Variants in CD40 observed in about 807,000 individuals in gnomAD.
The protein encoded by CD40 is tumor necrosis factor receptor superfamily member 5.
Under a neutral mutation model 38.5 loss-of-function variants are expected in CD40, and 19 were observed. The ratio of observed to expected loss-of-function variants is 0.49; its 90% confidence interval spans 0.34 to 0.72. The LOEUF (loss-of-function observed/expected upper bound fraction) is 0.72. Ranked by LOEUF, CD40 falls within the 30% of genes least tolerant of loss-of-function variation. CD40 has a pLI of 0.01. For missense variants in CD40, 256 were observed against 344.1 expected (o/e 0.74, Z 2.03); for synonymous variants, 130 against 128.7 (o/e 1.01, Z -0.07).
chr20:46,124,751 G>GTTTTTTTTGTTTT (rs2085390547), intron 5 of CD40, among the ~76,000 whole-genome samples: 3 of 73,938 alleles, frequency 4.1e-5, no homozygotes, highest in Non-Finnish European at 7.3e-5. Flanking sequence ...CACTGGTATA[G>GTTTTTTTTGTTTT]TTTTTTTTTT....
intron 6 of CD40, chr20:46,127,147 T>A (rs915566497): frequency 3.6e-5 from 6 of 168,012 alleles, no homozygotes; most frequent in African/African-American, 7.2e-5. Flanking sequence ...TAATAAAATT[T>A]AAAAAAACGA....
chr20:46,128,713 G>A (rs753462190), intron 8 of CD40, 169 bp from the exon 9 acceptor site: 59 of 711,066 alleles, frequency 8.3e-5, no homozygotes, highest in Middle Eastern at 2.4e-4. Flanking sequence ...GCTCTTCGTC[G>A]CCCTTGGTGT....
intron 6 of CD40, 60 bp from the exon 7 acceptor site, chr20:46,128,078 G>T (rs1248783570): frequency 6.2e-7 from 1 of 1,613,878 alleles, no homozygotes; most frequent in African/African-American, 1.3e-5. Context: ...AGTCACAGCA[G>T]GTTGAGGGTA....
intron 8 of CD40, 60 bp from the exon 9 acceptor site, chr20:46,128,822 G>C: frequency 6.4e-7 from 1 of 1,571,006 alleles, no homozygotes; most frequent in South Asian, 1.1e-5. Flanking sequence ...CCAGGGAGGG[G>C]CTCCTCAGAG....
chr20:46,122,128 TC>T lies in CD40; in HGVS notation c.131-104del. ...CCTGATTATGAAGGATCCAAGACTT[TC>T]ATCTTTGAATCCCCTACCCTAAAGC... On this transcript the variant is annotated intron_variant, in intron 2 of 8. Coordinates refer to ENST00000372285, the MANE Select transcript of CD40 (RefSeq NM_001250.6). The surrounding 1 kb of genome is among the most constrained non-coding windows in gnomAD (Gnocchi z 5.0). 7.0e-7 allele frequency: 1 copy of T among 1,430,564 alleles called. No homozygotes were observed. The highest frequency in any genetic ancestry group is 9.9e-7 in the Non-Finnish European group (1 of 1,014,810). 88.6% of individuals were successfully genotyped at this position (1,430,564 alleles called of 1,614,324 possible).
intron 6 of CD40, 98 bp downstream of exon 6, chr20:46,126,799 G>A: frequency 6.2e-7 from 1 of 1,600,758 alleles, no homozygotes; most frequent in South Asian, 1.1e-5. Flanking sequence ...AAAAGGGGAG[G>A]GGAGGCAGTT....
At chr20:46,128,807 G>T in intron 8 of CD40, 75 bp from the exon 9 acceptor site, 1 of 1,506,020 alleles carries the variant, frequency 6.6e-7, no homozygotes, top group Non-Finnish European at 9.2e-7. Context: ...GAAGGGATCC[G>T]CTTCCCAGGG....
intron 1 of CD40, among the ~76,000 whole-genome samples, chr20:46,121,391 G>C (rs1006511189): frequency 6.6e-6 from 1 of 152,190 alleles, no homozygotes; most frequent in African/African-American, 2.4e-5. Context: ...AGCAGGAAGG[G>C]AAGCAGAAGA....
chr20:46,129,597 A>G lies in CD40; in HGVS notation c.*557A>G. Reference sequence around the variant, plus strand: ...GGTATGGAACTTTTTAAAAAAGTACATGCTTTTATGTATGTATATTGCCTA... The same window carrying G: ...GGTATGGAACTTTTTAAAAAAGTACGTGCTTTTATGTATGTATATTGCCTA... On this transcript the variant is annotated 3_prime_UTR_variant, in exon 9 of 9. Transcript: ENST00000372285. 2 of 171,226 alleles carry G rather than the reference A, an allele frequency of 1.2e-5. No individual in the cohort carries two copies. Among genetic ancestry groups the G allele is most frequent in the East Asian group, 3.0e-4 (2 of 6,638 alleles). 10.6% of individuals were successfully genotyped at this position (171,226 alleles called of 1,614,324 possible). A position where few individuals can be genotyped will look rare whatever the true frequency, so the allele number is the denominator to read the frequency against.
intron 8 of CD40, 167 bp downstream of exon 8, chr20:46,128,525 A>G: frequency 3.8e-6 from 3 of 786,936 alleles, no homozygotes; most frequent in Non-Finnish European, 6.5e-6. Flanking sequence ...TTCCATCCAG[A>G]GCTCAATCCC....
chr20:46,119,056 C>A (rs2085267775), intron 1 of CD40, among the ~76,000 whole-genome samples: 1 of 90,200 alleles, frequency 1.1e-5, no homozygotes, highest in South Asian at 4.7e-4. Context: ...GGTTAGGAGA[C>A]CAGAGTTCTG....
At chr20:46,125,658 G>A (rs6131017) in intron 5 of CD40, among the ~76,000 whole-genome samples, 10 of 145,828 alleles carry the variant, frequency 6.9e-5, no homozygotes, top group South Asian at 4.5e-4. Context: ...TGTCCATTCC[G>A]CCCCACTCCT....
intron 6 of CD40, chr20:46,127,001 G>A (rs998734786): frequency 1.1e-5 from 5 of 464,238 alleles, no homozygotes; most frequent in South Asian, 4.2e-5. Context: ...AAAGGTCAGG[G>A]GTAAGAAAAT....
intron 5 of CD40, among the ~76,000 whole-genome samples, chr20:46,125,546 CAAAAAAAA>C (rs60475326): frequency 2.9e-5 from 2 of 69,418 alleles, no homozygotes; most frequent in Admixed American, 1.8e-4. Flanking sequence ...GACTCTGTCT[CAAAAAAAA>C]AAAAAAAAAA....
At position 46,122,813 on chromosome 20, in the gene CD40, A is replaced by T. The variant is rs1323066617; in HGVS notation, c.403+57A>T. On this transcript the variant is annotated intron_variant, in intron 4 of 8. Coordinates refer to ENST00000372285, the MANE Select transcript of CD40 (RefSeq NM_001250.6). This position sits in a 1 kb window ranked among gnomAD's most constrained non-coding sequence, Gnocchi z 5.0. ...GGGGGACAGAGGAGCTTAGGGCCCA[A>T]GGTGAGGGGCTGGGCAGTGGGCACT... is the stretch of plus-strand genomic sequence containing the variant. 1 of 1,605,770 alleles carries T rather than the reference A, an allele frequency of 6.2e-7. No homozygotes were observed. The highest frequency in any genetic ancestry group is 1.1e-5 in the South Asian group (1 of 90,610).
At chr20:46,128,464 C>A in intron 8 of CD40, 106 bp downstream of exon 8, 1 of 1,262,932 alleles carries the variant, frequency 7.9e-7, no homozygotes, top group South Asian at 1.2e-5. Context: ...TCTCTGCAGC[C>A]AGTGGGGTGG....
intron 5 of CD40, among the ~76,000 whole-genome samples, chr20:46,124,751 GTTTTTTTTTTTTTT>G (rs780015926): frequency 3.0e-4 from 22 of 73,964 alleles, no homozygotes; most frequent in African/African-American, 8.8e-4. Context: ...CACTGGTATA[GTTTTTTTTTTTTTT>G]TTTTTTTTTT....
In CD40 at chr20:46,122,067, C is replaced by G. The variant is rs1365122925; in HGVS notation, c.131-166C>G. 6.6e-6 allele frequency among the ~76,000 whole-genome samples: 1 copy of G among 152,160 alleles called. No individual in the cohort carries two copies. Among genetic ancestry groups the G allele is most frequent in the African/African-American group, 2.4e-5 (1 of 41,458 alleles). On this transcript the variant is annotated intron_variant, in intron 2 of 8. Transcript: ENST00000372285. The surrounding 1 kb of genome is among the most constrained non-coding windows in gnomAD (Gnocchi z 5.0). The stretch of plus-strand genomic sequence containing the variant: ...CTCTACCAGGTAAAACTCTGTCTAC[C>G]CTGAACTAGGGATCCCAGCTTCTCC...
At chr20:46,125,800 C>A (rs1013075077) in intron 5 of CD40, among the ~76,000 whole-genome samples, 1 of 152,290 alleles carries the variant, frequency 6.6e-6, no homozygotes, top group East Asian at 1.9e-4. Flanking sequence ...CTAGTGAAGT[C>A]GCCTGGTTGG....
Sources: gnomAD v4.1 joint callset for allele counts (sites outside exome capture counted in the v4.1 genomes callset) on GRCh38, gnomAD v4.1.1 for gene constraint, Gnocchi (gnomAD v3.1) non-coding constraint, MANE v1.5 for transcripts, NCBI Gene and HGNC (gene_info 2026-07-23, HGNC 2026-07-21) for gene names.